Variants in SKAP2 observed in about 807,000 individuals in gnomAD.
The protein encoded by SKAP2 is src kinase-associated phosphoprotein 2.
Under a neutral mutation model 54.9 loss-of-function variants are expected in SKAP2, and 28 were observed. That is an observed-to-expected ratio of 0.51 (90% CI 0.38 to 0.70). SKAP2 has a LOEUF of 0.70. Ranked by LOEUF, SKAP2 falls within the 30% of genes least tolerant of loss-of-function variation. The probability of loss-of-function intolerance (pLI) is 0.00; values close to 1 mark genes in which losing one functional copy is unlikely to be tolerated. For missense variants in SKAP2, 356 were observed against 424.1 expected, an observed-to-expected ratio of 0.84 and a Z score of 1.41; for synonymous variants, 137 against 134.3, an observed-to-expected ratio of 1.02 and a Z score of -0.14.
At chr7:26,715,569 G>A (rs957259682) in intron 9 of SKAP2, among the ~76,000 whole-genome samples, 1 of 152,038 alleles carries the variant, frequency 6.6e-6, no homozygotes, top group Admixed American at 6.5e-5. Flanking sequence ...CTGACGTCAG[G>A]AGTTCAAGAC....
intron 3 of SKAP2, among the ~76,000 whole-genome samples, chr7:26,853,447 G>A (rs1297623951): frequency 6.6e-6 from 1 of 152,062 alleles, no homozygotes; most frequent in East Asian, 1.9e-4. Context: ...TAAAGTAGTA[G>A]GAAGTTCCTA....
chr7:26,696,916 A>G (rs545600286), intron 9 of SKAP2, among the ~76,000 whole-genome samples: 4 of 152,316 alleles, frequency 2.6e-5, no homozygotes, highest in South Asian at 4.1e-4. Flanking sequence ...TCTAACAAAA[A>G]CAAAAACAAA....
In SKAP2 at chr7:26,725,571, A is replaced by G. The variant is rs1308372289; in HGVS notation, c.659-6T>C. On this transcript the variant is annotated splice_region_variant and splice_polypyrimidine_tract_variant and intron_variant, in intron 8 of 12. Coordinates refer to ENST00000345317, the MANE Select transcript of SKAP2 (RefSeq NM_003930.5). ...AATAATATCAGATTCCATATCTATA[A>G]AACACATTTCATGAAGTAAATTTTA... The G allele has an allele frequency of 6.3e-7, 1 of 1,576,168 alleles. No homozygotes were observed. The highest frequency in any genetic ancestry group is 1.9e-5 in the Admixed American group (1 of 53,904).
chr7:26,819,569 T>C (rs773915762), intron 4 of SKAP2, among the ~76,000 whole-genome samples: 1 of 93,842 alleles, frequency 1.1e-5, no homozygotes, highest in Non-Finnish European at 2.5e-5. Context: ...TAAAGTATAC[T>C]TAAAAAAAAA....
chr7:26,861,517 A>T (rs575399566), intron 1 of SKAP2, among the ~76,000 whole-genome samples: 3 of 152,106 alleles, frequency 2.0e-5, no homozygotes, highest in African/African-American at 7.2e-5. Flanking sequence ...TAGGTCTTCA[A>T]GACTGACTCC....
At position 26,810,707 on chromosome 7, in the gene SKAP2, C is replaced by T. The variant is rs373108591; in HGVS notation, c.307+33323G>A. On this transcript the variant is annotated intron_variant, in intron 4 of 12. Transcript: ENST00000345317. ...TTTGTTTGTTTTTTTCTTTGAGACA[C>T]AGTCTCACTCTGTCACCAGGCTGGA... 5.3e-5 allele frequency among the ~76,000 whole-genome samples: 8 copies of T among 152,224 alleles called. No individual in the cohort carries two copies. In the East Asian group the frequency reaches 1.2e-3, roughly 22 times the overall value.
At chr7:26,776,824 T>C (rs1783320590) in intron 4 of SKAP2, among the ~76,000 whole-genome samples, 1 of 152,206 alleles carries the variant, frequency 6.6e-6, no homozygotes, top group Non-Finnish European at 1.5e-5. Context: ...CTCCTCACTG[T>C]CTATGTGATA....
chr7:26,678,796 A>T (rs948012207), intron 11 of SKAP2, among the ~76,000 whole-genome samples: 1 of 152,008 alleles, frequency 6.6e-6, no homozygotes, highest in African/African-American at 2.4e-5. Flanking sequence ...CTTATCTATA[A>T]TTTACTAAAT....
At chr7:26,851,378 A>G (rs1223215264) in intron 3 of SKAP2, among the ~76,000 whole-genome samples, 2 of 151,908 alleles carry the variant, frequency 1.3e-5, no homozygotes, top group Non-Finnish European at 2.9e-5. Flanking sequence ...TGGAAGGCGG[A>G]GGTTGCACTG....
intron 4 of SKAP2, among the ~76,000 whole-genome samples, chr7:26,826,732 A>G (rs886102109): frequency 6.6e-6 from 1 of 152,178 alleles, no homozygotes; most frequent in East Asian, 1.9e-4. Context: ...TGATATTTAT[A>G]TCTCTCCTGT....
intron 6 of SKAP2, among the ~76,000 whole-genome samples, chr7:26,730,491 C>G (rs1787800022): frequency 6.6e-6 from 1 of 152,110 alleles, no homozygotes; most frequent in South Asian, 2.1e-4. Context: ...ACTTCTCAAA[C>G]AAATCTTTTA....
intron 1 of SKAP2, chr7:26,857,352 G>T: frequency 6.5e-5 from 18 of 275,298 alleles, no homozygotes; most frequent in Middle Eastern, 2.4e-3. Context: ...ACTGGAAGCA[G>T]TTCCCGAAAT....
chr7:26,696,624 A>G (rs1259847290), intron 9 of SKAP2, among the ~76,000 whole-genome samples: 1 of 152,240 alleles, frequency 6.6e-6, no homozygotes, highest in Non-Finnish European at 1.5e-5. Context: ...ATATAAAGGC[A>G]AGAAAATAAG....
At position 26,725,520 on chromosome 7, in the gene SKAP2, TCTC is replaced by T. The variant is rs766184989; in HGVS notation, c.701_703del (p.Gly234del). ...AGGATGATCAACATCATCATATAATTCTCCTCTCTCATCATAATCCTCAGGAAT... is the reference window on the plus strand; with the variant it reads ...AGGATGATCAACATCATCATATAATTCTCTCTCATCATAATCCTCAGGAAT... On this transcript the variant is annotated inframe_deletion, in exon 9 of 13. Transcript: ENST00000345317. 1.9e-5 allele frequency: 31 copies of T among 1,610,846 alleles called. No individual in the cohort carries two copies. The East Asian group carries it at 5.1e-4, about 27-fold the overall frequency.
chr7:26,751,376 TCTCA>T (rs1168985098), intron 4 of SKAP2, among the ~76,000 whole-genome samples: 1 of 152,188 alleles, frequency 6.6e-6, no homozygotes, highest in Non-Finnish European at 1.5e-5. Flanking sequence ...GAATTAAGGC[TCTCA>T]CTCTATTTCA....
At position 26,739,883 on chromosome 7, in the gene SKAP2, T is replaced by A. The variant is rs1439505861; in HGVS notation, c.385+4A>T. On this transcript the variant is annotated splice_donor_region_variant and intron_variant, in intron 5 of 12. Transcript: ENST00000345317. Reference sequence around the variant, plus strand: ...TACATTTTTCATTAGAACCTTCAGTTTACCTTTTCTGCGTTTTTCAAGGTA... The same window carrying A: ...TACATTTTTCATTAGAACCTTCAGTATACCTTTTCTGCGTTTTTCAAGGTA... The A allele has an allele frequency of 1.1e-5, 17 of 1,600,472 alleles. No homozygotes were observed. Among genetic ancestry groups the A allele is most frequent in the Non-Finnish European group, 1.4e-5 (16 of 1,169,542 alleles).
chr7:26,771,966 T>A (rs1165393641), intron 4 of SKAP2, among the ~76,000 whole-genome samples: 1 of 152,158 alleles, frequency 6.6e-6, no homozygotes, highest in African/African-American at 2.4e-5. Flanking sequence ...CATCTTCCTA[T>A]TCCTATCGCC....
intron 4 of SKAP2, among the ~76,000 whole-genome samples, chr7:26,764,402 G>A (rs1215368029): frequency 6.6e-6 from 1 of 151,984 alleles, no homozygotes; most frequent in Non-Finnish European, 1.5e-5. Flanking sequence ...GTTCCTAGAC[G>A]ATTCAATCTT....
chr7:26,822,662 T>A (rs1171413953), intron 4 of SKAP2, among the ~76,000 whole-genome samples: 3 of 149,446 alleles, frequency 2.0e-5, no homozygotes, highest in Admixed American at 6.6e-5. Context: ...GATCACGAGG[T>A]CAGGAGATCG....
Sources: gnomAD v4.1 joint callset for allele counts (sites outside exome capture counted in the v4.1 genomes callset) on GRCh38, gnomAD v4.1.1 for gene constraint, MANE v1.5 for transcripts, NCBI Gene and HGNC (gene_info 2026-07-23, HGNC 2026-07-21) for gene names.